GSE1: variants seen among roughly 807,000 people sequenced by gnomAD.
The protein encoded by GSE1 is Gse1 coiled-coil protein, also known as genetic suppressor element 1.
GSE1 carries 32 observed loss-of-function variants against 112.6 expected under a neutral mutation model. That is an observed-to-expected ratio of 0.28 (90% CI 0.21 to 0.38). The LOEUF (loss-of-function observed/expected upper bound fraction) is 0.38. Ranked by LOEUF, GSE1 falls within the 10% of genes least tolerant of loss-of-function variation. The pLI, the probability that GSE1 is intolerant of heterozygous loss-of-function variation, is 1.00. For synonymous variants in GSE1, 1,115 were observed against 735.6 expected (o/e 1.52, Z -8.35); for missense variants, 2,348 against 1,699.2 (o/e 1.38, Z -6.71).
chr16:85,273,729 G>A (rs768955896), intron 1 of GSE1, among the ~76,000 whole-genome samples: 4 of 151,908 alleles, frequency 2.6e-5, no homozygotes, highest in Non-Finnish European at 4.4e-5. Flanking sequence ...AGCCCTTGTC[G>A]CCCAGTCTGG....
chr16:85,544,911 G>A (rs1425025068), intron 2 of GSE1, among the ~76,000 whole-genome samples: 2 of 152,242 alleles, frequency 1.3e-5, no homozygotes, highest in East Asian at 1.9e-4. Context: ...GAGGCCAGCC[G>A]TGCCCGCGCT....
chr16:85,333,263 C>T (rs1239038161), intron 1 of GSE1, among the ~76,000 whole-genome samples: 2 of 152,252 alleles, frequency 1.3e-5, no homozygotes, highest in South Asian at 4.1e-4. Context: ...CTCTGAAGGC[C>T]TCCCAGCTGA....
intron 2 of GSE1, among the ~76,000 whole-genome samples, chr16:85,389,030 T>C (rs1002131513): frequency 2.0e-5 from 3 of 152,094 alleles, no homozygotes; most frequent in African/African-American, 7.2e-5. Flanking sequence ...CTCTGAACCA[T>C]GGAATGGCCC....
chr16:85,661,782 GC>G lies in GSE1; in HGVS notation c.2260+21del. 1 of 1,485,868 alleles carries G rather than the reference GC, an allele frequency of 6.7e-7. No homozygotes were observed. The highest frequency in any genetic ancestry group is 9.0e-7 in the Non-Finnish European group (1 of 1,113,432). 92.0% of individuals were successfully genotyped at this position (1,485,868 alleles called of 1,614,324 possible). On this transcript the variant is annotated intron_variant, in intron 9 of 15. Coordinates refer to ENST00000253458, the MANE Select transcript of GSE1 (RefSeq NM_014615.5). ...AGGAGAAAGGTCTGCCTCCCCGCGG[GC>G]CCCGAGCTGCTCAGGGAGAGCCGCA...
At chr16:85,494,855 C>T (rs72801104) in intron 2 of GSE1, among the ~76,000 whole-genome samples, 2,157 of 152,344 alleles carry the variant, frequency 0.014, 18 homozygotes, top group Non-Finnish European at 0.02. Flanking sequence ...CCCAGAAGGG[C>T]GAGGTGCCTC....
intron 2 of GSE1, among the ~76,000 whole-genome samples, chr16:85,358,829 G>A (rs1317256157): frequency 1.3e-5 from 2 of 152,208 alleles, no homozygotes; most frequent in African/African-American, 4.8e-5. Context: ...CTGAGGACCT[G>A]CTCTGCCGTT....
intron 2 of GSE1, among the ~76,000 whole-genome samples, chr16:85,483,653 G>A (rs917823668): frequency 2.0e-5 from 3 of 152,266 alleles, no homozygotes; most frequent in African/African-American, 7.2e-5. Context: ...AGACGGATGG[G>A]CCTCCTGGCC....
chr16:85,641,764 A>T, intron 2 of GSE1, among the ~76,000 whole-genome samples: 1 of 152,172 alleles, frequency 6.6e-6, no homozygotes, highest in East Asian at 1.9e-4. Flanking sequence ...CACTGGGCAG[A>T]TTTCAAGGAA....
At chr16:85,504,987 T>C (rs769374713) in intron 2 of GSE1, among the ~76,000 whole-genome samples, 2 of 150,102 alleles carry the variant, frequency 1.3e-5, no homozygotes, top group Non-Finnish European at 3.0e-5. Flanking sequence ...CCAACCATTC[T>C]CCTCGTCAGC....
At chr16:85,174,525 C>T (rs1053498805) in intron 1 of GSE1, among the ~76,000 whole-genome samples, 4 of 152,218 alleles carry the variant, frequency 2.6e-5, no homozygotes, top group Admixed American at 2.0e-4. Context: ...CTTCCGTCCT[C>T]CCTCCCCCTC....
intron 2 of GSE1, among the ~76,000 whole-genome samples, chr16:85,363,338 G>T (rs186217800): frequency 2.0e-5 from 3 of 152,306 alleles, no homozygotes; most frequent in African/African-American, 7.2e-5. Flanking sequence ...CAGTCTATGG[G>T]TTCCTTCTGC....
intron 2 of GSE1, among the ~76,000 whole-genome samples, chr16:85,473,823 C>G: frequency 6.6e-6 from 1 of 152,038 alleles, no homozygotes; most frequent in East Asian, 1.9e-4. Flanking sequence ...GCAGAGACCT[C>G]TCTGAGAAGT....
At chr16:85,516,855 T>G (rs28452226) in intron 2 of GSE1, among the ~76,000 whole-genome samples, 36,608 of 148,674 alleles carry the variant, frequency 0.25, 4,905 homozygotes, top group East Asian at 0.44. Flanking sequence ...TGGAGTGCAG[T>G]GGCGTGATCT....
At chr16:85,625,875 G>GGCAGAGGACAGGTCT (rs2049033426) in intron 1 of GSE1, among the ~76,000 whole-genome samples, 1 of 152,180 alleles carries the variant, frequency 6.6e-6, no homozygotes, top group Non-Finnish European at 1.5e-5. Flanking sequence ...CAGTGAGCGT[G>GGCAGAGGACAGGTCT]GCAGAGGACA....
At chr16:85,632,913 C>T (rs1437408202) in intron 1 of GSE1, among the ~76,000 whole-genome samples, 1 of 152,178 alleles carries the variant, frequency 6.6e-6, no homozygotes, top group African/African-American at 2.4e-5. Context: ...TGATTGGACA[C>T]ACGGGGTGGG....
chr16:85,312,205 G>GGGGC lies in GSE1; in HGVS notation c.2284-45255_2284-45254insCGGG, dbSNP rs1555559852. On this transcript the variant is annotated intron_variant, in intron 1 of 2. Transcript: ENST00000637419. ...TCTGTGGTCTCTCTGATCCTCTTGC[G>GGGGC]GGGGGGGGGGGGACACACTTACCCC... 1.1e-4 allele frequency among the ~76,000 whole-genome samples: 8 copies of GGGGC among 72,928 alleles called. 3 individuals are homozygous for GGGGC. Among genetic ancestry groups the GGGGC allele is most frequent in the African/African-American group, 3.4e-4 (4 of 11,852 alleles). The allele number at this position is 72,928 out of a possible 152,430, so 47.8% of individuals were successfully genotyped here.
At chr16:85,257,926 C>A (rs1263982528) in intron 1 of GSE1, among the ~76,000 whole-genome samples, 1 of 152,224 alleles carries the variant, frequency 6.6e-6, no homozygotes, top group African/African-American at 2.4e-5. Flanking sequence ...AAACTGAGGC[C>A]CCTCACCTGG....
chr16:85,186,305 A>G (rs1372657981), intron 1 of GSE1, among the ~76,000 whole-genome samples: 1 of 152,080 alleles, frequency 6.6e-6, no homozygotes, highest in African/African-American at 2.4e-5. Context: ...CCCCATATGT[A>G]CAAATAATTA....
intron 15 of GSE1, 144 bp downstream of exon 15, chr16:85,671,242 C>A: frequency 1.9e-6 from 1 of 523,694 alleles, no homozygotes; most frequent in South Asian, 2.3e-5. Context: ...AGATCGAGAC[C>A]ATCCCGGCTA....
Sources: allele counts gnomAD v4.1 joint callset (sites outside exome capture counted in the v4.1 genomes callset), GRCh38; gene constraint gnomAD v4.1.1; transcripts MANE v1.5; gene names NCBI Gene and HGNC (gene_info 2026-07-23, HGNC 2026-07-21).